The following GRM7 variants were observed in gnomAD, a reference collection of about 807,000 sequenced individuals.
GRM7 encodes glutamate metabotropic receptor 7, also known as metabotropic glutamate receptor 7.
In GRM7, 35 loss-of-function variants were observed where a neutral mutation model predicts 84.5. The ratio of observed to expected loss-of-function variants is 0.41; its 90% CI spans 0.32 to 0.55. GRM7 has a LOEUF of 0.55. Ranked by LOEUF, GRM7 falls within the 20% of genes least tolerant of loss-of-function variation. The pLI is 0.19. For synonymous variants in GRM7, 487 were observed against 455.1 expected (o/e 1.07, Z -0.89); for missense variants, 1,003 against 1,194.6 (o/e 0.84, Z 2.36).
chr3:7,134,876 A>G (rs1177790522), intron 1 of GRM7, among the ~76,000 whole-genome samples: 1 of 152,214 alleles, frequency 6.6e-6, no homozygotes, highest in Non-Finnish European at 1.5e-5. Context: ...CACTACATAT[A>G]AAGATTTAGT....
rs563138480 is a variant in GRM7, at chr3:6,889,324, A to G, written c.519+27417A>G. The stretch of plus-strand genomic sequence containing the variant: ...TTTCTTGTGCCAGTTTTCAAAGGGA[A>G]TGCTTCCAGTTTTCGTCCATTCAGT... On this transcript the variant is annotated intron_variant, in intron 1 of 9. Transcript: ENST00000357716. Among the ~76,000 whole-genome samples the G allele has an allele frequency of 3.3e-4, 50 of 152,262 alleles. 1 individual carries two copies. The highest frequency in any genetic ancestry group is 3.4e-3 in the Middle Eastern group (1 of 294).
chr3:7,041,465 TTCTTTTTA>T (rs1696613338), intron 1 of GRM7, among the ~76,000 whole-genome samples: 1 of 144,330 alleles, frequency 6.9e-6, no homozygotes, highest in African/African-American at 2.9e-5. Flanking sequence ...AATAGTTAAT[TTCTTTTTA>T]TTAATAGTAT....
chr3:6,928,522 A>T lies in GRM7; in HGVS notation c.519+66615A>T, dbSNP rs931105766. The stretch of plus-strand genomic sequence containing the variant: ...AGTATAATTAATAGTTGCCAAGCAG[A>T]TGTTTTTCCTAACCAAGTGCCATAT... On this transcript the variant is annotated intron_variant, in intron 1 of 9. Transcript: ENST00000357716. The surrounding 1 kb of genome is among the most constrained non-coding windows in gnomAD (Gnocchi z 4.5). Among the ~76,000 whole-genome samples, 1 of 152,190 alleles carries T rather than the reference A, an allele frequency of 6.6e-6. No homozygotes were observed. The highest frequency in any genetic ancestry group is 2.4e-5 in the African/African-American group (1 of 41,460).
chr3:7,547,915 G>T (rs1693248353), intron 7 of GRM7, among the ~76,000 whole-genome samples: 1 of 152,202 alleles, frequency 6.6e-6, no homozygotes, highest in African/African-American at 2.4e-5. Flanking sequence ...ATCCTTTCCA[G>T]AAGAACTTGT....
Position 6,866,742 on chromosome 3 carries a change from T to A in GRM7, c.519+4835T>A, listed in dbSNP as rs1694950616. 3.3e-5 allele frequency among the ~76,000 whole-genome samples: 5 copies of A among 152,274 alleles called. No individual in the cohort carries two copies. In the East Asian group the frequency reaches 5.8e-4, roughly 18 times the overall value. On this transcript the variant is annotated intron_variant, in intron 1 of 9. Transcript: ENST00000357716. ...TCATCTTGCAAAAATATCAGACTTTTCTCTCCCAAAACTGAGAAATGATGA... is the reference window on the plus strand; with the variant it reads ...TCATCTTGCAAAAATATCAGACTTTACTCTCCCAAAACTGAGAAATGATGA...
chr3:7,266,623 G>A (rs1407289341), intron 2 of GRM7, among the ~76,000 whole-genome samples: 1 of 151,924 alleles, frequency 6.6e-6, no homozygotes, highest in Admixed American at 6.6e-5. Flanking sequence ...CAAACAAAAT[G>A]TTTTCTCTTT....
intron 4 of GRM7, among the ~76,000 whole-genome samples, chr3:7,324,774 GC>G (rs1375271676): frequency 6.6e-6 from 1 of 151,844 alleles, no homozygotes; most frequent in Admixed American, 6.6e-5. Flanking sequence ...GCATAGAGGG[GC>G]CCTCAGAATC....
At position 7,458,620 on chromosome 3, in the gene GRM7, G is replaced by A. The variant is rs118162156; in HGVS notation, c.1376-2963G>A. Among the ~76,000 whole-genome samples the A allele has an allele frequency of 1.3e-4, 20 of 152,210 alleles. No individual in the cohort carries two copies. The East Asian group carries it at 2.5e-3, about 19-fold the overall frequency. ...AGAATGGAAAGGGCGTGACAAGACC[G>A]TTTCTTCTAACTAAGATTGCAAGAA... On this transcript the variant is annotated intron_variant, in intron 6 of 9. Transcript: ENST00000357716.
chr3:7,206,614 C>A (rs1575030774), intron 2 of GRM7, among the ~76,000 whole-genome samples: 1 of 152,100 alleles, frequency 6.6e-6, no homozygotes, highest in Non-Finnish European at 1.5e-5. Flanking sequence ...AAAAAATAAC[C>A]CTGTTGTTTC....
At position 7,621,266 on chromosome 3, in the gene GRM7, A is replaced by G. The variant is rs1697340009; in HGVS notation, c.2451+41909A>G. Among the ~76,000 whole-genome samples the G allele has an allele frequency of 1.3e-5, 2 of 152,252 alleles. 1 individual carries two copies. The highest frequency in any genetic ancestry group is 1.3e-4 in the Admixed American group (2 of 15,284). The stretch of plus-strand genomic sequence containing the variant: ...TCAATTTAGCAATAACCGTAAATGT[A>G]TGCTGTGGAGAGTCGAGAATTTCAT... On this transcript the variant is annotated intron_variant, in intron 8 of 9. Coordinates refer to ENST00000357716, the MANE Select transcript of GRM7 (RefSeq NM_000844.4).
At chr3:7,364,496 G>A (rs1575223792) in intron 4 of GRM7, among the ~76,000 whole-genome samples, 1 of 151,346 alleles carries the variant, frequency 6.6e-6, no homozygotes, top group Admixed American at 6.6e-5. Flanking sequence ...TGACATATTT[G>A]TATTTATTTA....
chr3:7,541,194 A>T (rs2125015406), intron 7 of GRM7, among the ~76,000 whole-genome samples: 1 of 152,148 alleles, frequency 6.6e-6, no homozygotes, highest in Admixed American at 6.5e-5. Context: ...TTGCATGCAG[A>T]TGTAATATGG....
intron 1 of GRM7, among the ~76,000 whole-genome samples, chr3:6,941,366 A>G (rs2125057069): frequency 6.6e-6 from 1 of 152,308 alleles, no homozygotes; most frequent in East Asian, 1.9e-4. Flanking sequence ...GAAAACATTG[A>G]CTTTTTATAT....
chr3:7,288,698 T>C (rs60731436), intron 2 of GRM7, among the ~76,000 whole-genome samples: 121 of 152,184 alleles, frequency 8.0e-4, no homozygotes, highest in African/African-American at 2.8e-3. Flanking sequence ...CAATGAAGAA[T>C]GACACAAGTA....
intron 4 of GRM7, among the ~76,000 whole-genome samples, chr3:7,314,329 C>G (rs908162009): frequency 2.0e-5 from 3 of 151,140 alleles, no homozygotes; most frequent in Non-Finnish European, 2.9e-5. Flanking sequence ...CTCCCTCCCC[C>G]CTAAAAATTG....
At chr3:7,361,399 A>G (rs904831785) in intron 4 of GRM7, among the ~76,000 whole-genome samples, 2 of 152,114 alleles carry the variant, frequency 1.3e-5, no homozygotes, top group African/African-American at 4.8e-5. Flanking sequence ...TGTCCTAACC[A>G]TATTTTATTG....
intron 8 of GRM7, among the ~76,000 whole-genome samples, chr3:7,620,181 C>T (rs1265416055): frequency 6.6e-6 from 1 of 152,032 alleles, no homozygotes; most frequent in African/African-American, 2.4e-5. Flanking sequence ...ATTATCTGAA[C>T]AAAAATTTTG....
intron 9 of GRM7, among the ~76,000 whole-genome samples, chr3:7,708,651 G>T (rs897259735): frequency 6.6e-6 from 1 of 152,216 alleles, no homozygotes; most frequent in South Asian, 2.1e-4. Flanking sequence ...AGTTTTCCAG[G>T]AAGAGGGACA....
chr3:7,394,704 C>T (rs964242986), intron 4 of GRM7, among the ~76,000 whole-genome samples: 1 of 152,152 alleles, frequency 6.6e-6, no homozygotes, highest in Admixed American at 6.6e-5. Flanking sequence ...TTGTCTTATT[C>T]ATAGTATAAT....
Sources: allele counts gnomAD v4.1 joint callset (sites outside exome capture counted in the v4.1 genomes callset), GRCh38; gene constraint gnomAD v4.1.1; non-coding constraint Gnocchi (gnomAD v3.1); transcripts MANE v1.5; gene names NCBI Gene and HGNC (gene_info 2026-07-23, HGNC 2026-07-21).